GAN: variants seen among roughly 807,000 people sequenced by gnomAD.
GAN encodes the protein gigaxonin.
A neutral mutation model predicts 71.3 loss-of-function variants in GAN; 48 were observed. The observed-to-expected ratio is 0.67, with a 90% CI of 0.53 to 0.86. GAN has a LOEUF of 0.86. Ranked by LOEUF, GAN falls within the 40% of genes least tolerant of loss-of-function variation. The pLI is 0.00. For missense variants in GAN, 928 were observed against 770.1 expected, an observed-to-expected ratio of 1.21 and a Z score of -2.43; for synonymous variants, 386 against 276.8, an observed-to-expected ratio of 1.39 and a Z score of -3.92.
intron 3 of GAN, among the ~76,000 whole-genome samples, chr16:81,356,305 G>A (rs1373276064): frequency 6.6e-6 from 1 of 152,016 alleles, no homozygotes; most frequent in Non-Finnish European, 1.5e-5. Flanking sequence ...TGATTATATA[G>A]TACTCAGGTT....
chr16:81,325,599 A>AG (rs1909358964), intron 1 of GAN, among the ~76,000 whole-genome samples: 1 of 152,228 alleles, frequency 6.6e-6, no homozygotes, highest in Non-Finnish European at 1.5e-5. Context: ...AGGACCAGGA[A>AG]GGGATGAACA....
Position 81,380,192 on chromosome 16 carries a change from G to T in GAN, c.*2596G>T, listed in dbSNP as rs560022660. 58 of 152,648 alleles carry T rather than the reference G, an allele frequency of 3.8e-4. No homozygotes were observed. Among genetic ancestry groups the T allele is most frequent in the African/African-American group, 1.3e-3 (56 of 41,538 alleles). The allele number at this position is 152,648 out of a possible 1,614,324, so 9.5% of individuals were successfully genotyped here. A position where few individuals can be genotyped will look rare whatever the true frequency, so the allele number is the denominator to read the frequency against. ...GTTGACTCATTTCATGCAGGTTTGTGTTTTAACATTCCACTTATGCCTTGA... is the reference window on the plus strand; with the variant it reads ...GTTGACTCATTTCATGCAGGTTTGTTTTTTAACATTCCACTTATGCCTTGA... On this transcript the variant is annotated 3_prime_UTR_variant, in exon 11 of 11. Coordinates refer to ENST00000648994, the MANE Select transcript of GAN (RefSeq NM_022041.4).
chr16:81,335,529 C>T (rs1192857268), intron 1 of GAN, among the ~76,000 whole-genome samples: 1 of 151,944 alleles, frequency 6.6e-6, no homozygotes, highest in African/African-American at 2.4e-5. Flanking sequence ...GGCAGATCAA[C>T]TGAGGTCAGG....
chr16:81,365,261 T>C (rs1204673719), intron 8 of GAN, 89 bp from the exon 9 acceptor site: 1 of 1,582,180 alleles, frequency 6.3e-7, no homozygotes. Flanking sequence ...GTAGTAATGC[T>C]GCAGAGTTAA....
At chr16:81,365,734 T>C (rs574835673) in intron 9 of GAN, among the ~76,000 whole-genome samples, 1 of 151,944 alleles carries the variant, frequency 6.6e-6, no homozygotes, top group South Asian at 2.1e-4. Flanking sequence ...TGGCTCCCTA[T>C]AGCTTTTAGG....
At chr16:81,377,056 G>T (rs888323813) in intron 9 of GAN, among the ~76,000 whole-genome samples, 163 bp from the exon 10 acceptor site, 1 of 152,144 alleles carries the variant, frequency 6.6e-6, no homozygotes, top group African/African-American at 2.4e-5. Flanking sequence ...TATCTGTAGC[G>T]ACTGGCAGCA....
chr16:81,364,508 C>T (rs572545035), intron 7 of GAN, among the ~76,000 whole-genome samples: 3 of 152,194 alleles, frequency 2.0e-5, no homozygotes, highest in South Asian at 2.1e-4. Context: ...CTGAAGCGAT[C>T]CCCCATCTCT....
chr16:81,359,963 T>G (rs1327911236), intron 5 of GAN, among the ~76,000 whole-genome samples: 1 of 152,070 alleles, frequency 6.6e-6, no homozygotes, highest in Admixed American at 6.6e-5. Context: ...AAACCAAAAC[T>G]TCAGATAAGG....
At chr16:81,355,566 C>T (rs1910459593) in intron 3 of GAN, among the ~76,000 whole-genome samples, 1 of 152,162 alleles carries the variant, frequency 6.6e-6, no homozygotes, top group Admixed American at 6.5e-5. Context: ...TCTCGCTGTG[C>T]TGCCCAGGCT....
chr16:81,362,609 G>T lies in GAN; in HGVS notation c.1084G>T (p.Glu362Ter). 1 of 1,429,670 alleles carries T rather than the reference G, an allele frequency of 7.0e-7. No individual in the cohort carries two copies. Among genetic ancestry groups the T allele is most frequent in the South Asian group, 1.1e-5 (1 of 87,316 alleles). 88.6% of individuals were successfully genotyped at this position (1,429,670 alleles called of 1,614,324 possible). A position where few individuals can be genotyped will look rare whatever the true frequency, so the allele number is the denominator to read the frequency against. The change falls in exon 6 of 11, where the codon GAG (glutamate) becomes TAG (stop). Residue 362 changes from glutamate to a stop codon, truncating the protein, a stop_gained and splice_region_variant. Transcript: ENST00000648994. LOFTEE classifies it high-confidence loss of function. ...ATGGACAGCATTGCCACCTATGAAC[G>T]AGGTAAAACACTAGTTGGTTGGTTT... ...NTWTALPPMN[E>*]ARHNFGIVEI...
At chr16:81,340,734 C>G (rs141132994) in intron 1 of GAN, among the ~76,000 whole-genome samples, 1 of 129,692 alleles carries the variant, frequency 7.7e-6, no homozygotes, top group South Asian at 2.4e-4. Context: ...TACCTCTTCT[C>G]CTCCAAAGGA....
intron 1 of GAN, among the ~76,000 whole-genome samples, chr16:81,350,161 T>C (rs1213064335): frequency 6.6e-6 from 1 of 152,108 alleles, no homozygotes; most frequent in African/African-American, 2.4e-5. Flanking sequence ...TGTAAAGAAC[T>C]CCTACACCGC....
chr16:81,337,833 G>C (rs1334226626), intron 1 of GAN, among the ~76,000 whole-genome samples: 1 of 152,154 alleles, frequency 6.6e-6, no homozygotes, highest in African/African-American at 2.4e-5. Flanking sequence ...TTGGCCAAAG[G>C]ATGGGTGCTT....
intron 2 of GAN, among the ~76,000 whole-genome samples, chr16:81,353,874 C>T (rs1430859402): frequency 6.6e-6 from 1 of 152,126 alleles, no homozygotes; most frequent in Non-Finnish European, 1.5e-5. Flanking sequence ...TACCAAATTG[C>T]ACTGCGTACA....
Position 81,354,760 on chromosome 16 carries a change from C to T in GAN, c.633+5C>T. On this transcript the variant is annotated splice_donor_5th_base_variant and intron_variant, in intron 3 of 10. Coordinates refer to ENST00000648994, the MANE Select transcript of GAN (RefSeq NM_022041.4). The stretch of plus-strand genomic sequence containing the variant: ...CATGATACAGAAATAAGAAAGGTAC[C>T]TGTCATTTATAACATGGTCAAATTT... 1 of 1,510,208 alleles carries T rather than the reference C, an allele frequency of 6.6e-7. No homozygotes were observed. Among genetic ancestry groups the T allele is most frequent in the African/African-American group, 1.4e-5 (1 of 72,944 alleles). The allele number at this position is 1,510,208 out of a possible 1,614,324, so 93.6% of individuals were successfully genotyped here.
rs1422872454 is a variant in GAN, at chr16:81,389,732, G to T, written c.*12136G>T. ...AAAACAAGATTTGTAAATTCGATTT[G>T]ACCCTCCCAAATTCAGGGCTGCTCT... On this transcript the variant is annotated 3_prime_UTR_variant, in exon 11 of 11. Coordinates refer to ENST00000648994, the MANE Select transcript of GAN (RefSeq NM_022041.4). 1 of 152,190 alleles carries T rather than the reference G, an allele frequency of 6.6e-6. No homozygotes were observed. The highest frequency in any genetic ancestry group is 6.5e-5 in the Admixed American group (1 of 15,274). The allele number at this position is 152,190 out of a possible 1,614,324, so 9.4% of individuals were successfully genotyped here. A position where few individuals can be genotyped will look rare whatever the true frequency, so the allele number is the denominator to read the frequency against.
chr16:81,385,281 A>G lies in GAN; in HGVS notation c.*7685A>G, dbSNP rs193302046. 3 of 152,234 alleles carry G rather than the reference A, an allele frequency of 2.0e-5. No homozygotes were observed. The highest frequency in any genetic ancestry group is 1.3e-4 in the Admixed American group (2 of 15,288). 9.4% of individuals were successfully genotyped at this position (152,234 alleles called of 1,614,324 possible). ...GAGACATTTCCTGGAAGTGATTTCCATGAGAACAAAGGCTTATTCCTTTAA... is the reference window on the plus strand; with the variant it reads ...GAGACATTTCCTGGAAGTGATTTCCGTGAGAACAAAGGCTTATTCCTTTAA... On this transcript the variant is annotated 3_prime_UTR_variant, in exon 11 of 11. Transcript: ENST00000648994.
intron 1 of GAN, among the ~76,000 whole-genome samples, chr16:81,331,827 T>G (rs1208591394): frequency 6.6e-6 from 1 of 152,236 alleles, no homozygotes; most frequent in Non-Finnish European, 1.5e-5. Context: ...GTCTTCAGTA[T>G]GTCAGAAGAA....
chr16:81,362,095 G>T (rs966760093), intron 5 of GAN, among the ~76,000 whole-genome samples: 2 of 152,192 alleles, frequency 1.3e-5, no homozygotes, highest in Non-Finnish European at 2.9e-5. Context: ...AATAGAAAGT[G>T]CACACGGATG....
Sources: allele counts gnomAD v4.1 joint callset (sites outside exome capture counted in the v4.1 genomes callset), GRCh38; gene constraint gnomAD v4.1.1; transcripts MANE v1.5; gene names NCBI Gene and HGNC (gene_info 2026-07-23, HGNC 2026-07-21).